Variants in MAPK6 observed in about 807,000 individuals in gnomAD.
The protein encoded by MAPK6 is ERK-3.
Under a neutral mutation model 59.3 loss-of-function variants are expected in MAPK6, and 19 were observed. The observed-to-expected ratio is 0.32, with a 90% CI of 0.22 to 0.47. MAPK6 has a LOEUF of 0.47. Ranked by LOEUF, MAPK6 falls within the 20% of genes least tolerant of loss-of-function variation. The probability of loss-of-function intolerance (pLI) is 1.00; values close to 1 mark genes in which losing one functional copy is unlikely to be tolerated. For synonymous variants in MAPK6, 316 were observed against 290.3 expected (o/e 1.09, Z -0.90); for missense variants, 724 against 847.9 (o/e 0.85, Z 1.81).
chr15:52,064,527 T>A lies in MAPK6; in HGVS notation c.1693T>A (p.Leu565Met). 1.2e-6 allele frequency: 2 copies of A among 1,610,682 alleles called. No homozygotes were observed. The highest frequency in any genetic ancestry group is 1.7e-6 in the Non-Finnish European group (2 of 1,179,432). Residue 565 changes from leucine (L) to methionine (M), a missense_variant, in exon 6 of 6, where the codon TTG becomes ATG. Coordinates refer to ENST00000261845, the MANE Select transcript of MAPK6 (RefSeq NM_002748.4). ...SSVSQLELKS[L>M]ISKSVSQEKQ... is the part of the protein sequence containing the mutation. ...AGTGTCCCAACTAGAATTGAAAAGT[T>A]TGATATCAAAGTCAGTAAGCCAAGA...
At chr15:52,063,878 C>T (rs556999957) in intron 5 of MAPK6, 24 bp from the exon 6 acceptor site, 63 of 1,523,662 alleles carry the variant, frequency 4.1e-5, no homozygotes, top group South Asian at 3.9e-4. Context: ...CGTAGAATAA[C>T]GCTAGTGTAT....
At chr15:52,032,435 C>A (rs1283843594) in intron 1 of MAPK6, among the ~76,000 whole-genome samples, 1 of 152,038 alleles carries the variant, frequency 6.6e-6, no homozygotes, top group South Asian at 2.1e-4. Flanking sequence ...GGTGATCCAT[C>A]TGCCTTGGCC....
chr15:52,034,405 C>T (rs965457759), intron 1 of MAPK6, among the ~76,000 whole-genome samples: 7 of 152,076 alleles, frequency 4.6e-5, no homozygotes, highest in Admixed American at 2.6e-4. Flanking sequence ...CTCTGCCTCC[C>T]GGGTTCAAGC....
chr15:52,040,311 C>G lies in MAPK6; in HGVS notation c.-631-5519C>G, dbSNP rs150235853. Among the ~76,000 whole-genome samples, 39 of 152,304 alleles carry G rather than the reference C, an allele frequency of 2.6e-4. No homozygotes were observed. The East Asian group carries it at 7.1e-3, about 28-fold the overall frequency. Reference sequence around the variant, plus strand: ...TTTGGCTGAGGAGATGTGAGGCTGGCTAGGTTCCTGTTAACTCAAATTACT... The same window carrying G: ...TTTGGCTGAGGAGATGTGAGGCTGGGTAGGTTCCTGTTAACTCAAATTACT... On this transcript the variant is annotated intron_variant, in intron 1 of 5. Transcript: ENST00000261845.
intron 3 of MAPK6, among the ~76,000 whole-genome samples, chr15:52,052,520 C>T (rs565079927): frequency 3.7e-4 from 56 of 152,230 alleles, no homozygotes; most frequent in African/African-American, 1.3e-3. Context: ...GGAACACTGT[C>T]TTGGCTCCTG....
intron 1 of MAPK6, among the ~76,000 whole-genome samples, chr15:52,022,188 C>T (rs2030562136): frequency 1.3e-5 from 2 of 152,118 alleles, no homozygotes; most frequent in Admixed American, 1.3e-4. Flanking sequence ...AAAAATTTCC[C>T]ACCCCATCCT....
At chr15:51,978,231 C>T (rs571515814) in intron 1 of MAPK6, among the ~76,000 whole-genome samples, 1 of 151,552 alleles carries the variant, frequency 6.6e-6, no homozygotes, top group South Asian at 2.1e-4. Context: ...CTCCTGGGTT[C>T]AAGTGATTCT....
At chr15:52,023,749 C>G (rs75054051) in intron 1 of MAPK6, among the ~76,000 whole-genome samples, 3,490 of 152,252 alleles carry the variant, frequency 0.023, 93 homozygotes, top group East Asian at 0.076. Flanking sequence ...GTAGCTGGGA[C>G]TACAGGTGCG....
intron 1 of MAPK6, among the ~76,000 whole-genome samples, chr15:52,032,458 G>C (rs1320349229): frequency 6.6e-6 from 1 of 152,102 alleles, no homozygotes; most frequent in Admixed American, 6.5e-5. Context: ...CCAAAGTGCT[G>C]GGATTACAGG....
chr15:52,027,478 A>G (rs532538193), intron 1 of MAPK6, among the ~76,000 whole-genome samples: 8 of 151,492 alleles, frequency 5.3e-5, no homozygotes, highest in South Asian at 2.1e-4. Context: ...TAAGATTCCA[A>G]TCAGGCTTAA....
intron 3 of MAPK6, among the ~76,000 whole-genome samples, chr15:52,058,173 A>G (rs988121167): frequency 4.4e-4 from 66 of 151,666 alleles, no homozygotes; most frequent in African/African-American, 1.6e-3. Flanking sequence ...AACAACCTAG[A>G]AATGCTAACT....
intron 3 of MAPK6, among the ~76,000 whole-genome samples, chr15:52,055,124 C>T (rs551005641): frequency 5.3e-4 from 80 of 152,332 alleles, no homozygotes; most frequent in African/African-American, 1.9e-3. Context: ...GTCAGAAAAA[C>T]AAGCCAGGTG....
At chr15:51,971,828 G>T in exon 1 of MAPK6, 1 of 1,439,674 alleles carries the variant, frequency 6.9e-7, no homozygotes, top group Non-Finnish European at 9.8e-7. Context: ...ACACGACAGT[G>T]TCGCAAAGAT....
chr15:52,063,064 A>C (rs1184581010), intron 5 of MAPK6, among the ~76,000 whole-genome samples: 1 of 152,018 alleles, frequency 6.6e-6, no homozygotes, highest in African/African-American at 2.4e-5. Flanking sequence ...TCTACCCCCT[A>C]AATAATGGTT....
chr15:51,979,028 T>C (rs2057165192), intron 1 of MAPK6, among the ~76,000 whole-genome samples: 1 of 149,990 alleles, frequency 6.7e-6, no homozygotes, highest in Non-Finnish European at 1.5e-5. Flanking sequence ...TGAGGATCAT[T>C]TGAGGCTGGG....
chr15:51,976,266 C>CAAAAAAAAA (rs774556505), intron 1 of MAPK6, among the ~76,000 whole-genome samples: 1 of 45,186 alleles, frequency 2.2e-5, no homozygotes. Context: ...ACTCCCATCT[C>CAAAAAAAAA]AAAAAAAAAA....
chr15:52,061,261 A>G (rs372225484), intron 4 of MAPK6, 38 bp from the exon 5 acceptor site: 48 of 1,471,906 alleles, frequency 3.3e-5, no homozygotes, highest in Non-Finnish European at 4.2e-5. Flanking sequence ...AAAGGTAAGC[A>G]ATTCTTTTCT....
chr15:52,019,805 G>C (rs887898060), intron 1 of MAPK6: 3 of 152,402 alleles, frequency 2.0e-5, no homozygotes, highest in African/African-American at 7.2e-5. Context: ...CCGGAGGGCG[G>C]GCGAGCGAGG....
At chr15:52,019,136 G>A (rs2030375603), upstream of MAPK6, 1 of 152,372 alleles carries the variant, frequency 6.6e-6, no homozygotes, top group Non-Finnish European at 1.5e-5. Context: ...GCGTGCGGGT[G>A]CGCTGGGCAG....
Sources: allele counts gnomAD v4.1 joint callset (sites outside exome capture counted in the v4.1 genomes callset), GRCh38; gene constraint gnomAD v4.1.1; transcripts MANE v1.5; gene names NCBI Gene and HGNC (gene_info 2026-07-23, HGNC 2026-07-21).